The following SLC10A4 variants were observed in gnomAD, a reference collection of about 807,000 sequenced individuals.
SLC10A4 encodes the protein putative sodium/bile acid cotransporter 4.
In SLC10A4, 17 loss-of-function variants were observed where a neutral mutation model predicts 22.5. The ratio of observed to expected loss-of-function variants is 0.76; its 90% CI spans 0.52 to 1.14. The LOEUF is 1.14. Ranked by LOEUF, SLC10A4 falls within the 50% of genes most tolerant of loss-of-function variation. The pLI is 0.00. For synonymous variants in SLC10A4, 257 were observed against 258.2 expected (o/e 1.00, Z 0.04); for missense variants, 548 against 584.0 (o/e 0.94, Z 0.64).
In SLC10A4 at chr4:48,489,323, TA is replaced by T. The variant is rs373403963; in HGVS notation, c.*394del. The T allele has an allele frequency of 2.6e-3, 402 of 157,222 alleles. 1 individual carries two copies. Among genetic ancestry groups the T allele is most frequent in the Middle Eastern group, 6.4e-3 (2 of 314 alleles). The allele number at this position is 157,222 out of a possible 1,614,324, so 9.7% of individuals were successfully genotyped here. On this transcript the variant is annotated 3_prime_UTR_variant, in exon 3 of 3. Transcript: ENST00000273861. ...ATAATTGAGTTTAATGTAATTGTTG[TA>T]AAAAAAAAAGTGTGCTTGCTCTACT...
chr4:48,484,254 G>A (rs1408327297), intron 1 of SLC10A4, 103 bp downstream of exon 1: 2 of 1,199,788 alleles, frequency 1.7e-6, no homozygotes, highest in South Asian at 1.7e-5. Flanking sequence ...GTTGGAATTA[G>A]GCGTGGAGGA....
intron 2 of SLC10A4, among the ~76,000 whole-genome samples, chr4:48,485,361 A>T (rs899497947): frequency 4.1e-4 from 63 of 152,260 alleles, no homozygotes; most frequent in Admixed American, 2.0e-4. Context: ...GCTTAATCAA[A>T]ACCAGCATAA....
Position 48,483,762 on chromosome 4 carries a change from G to A in SLC10A4, c.201G>A (p.Glu67=). 3 of 1,485,084 alleles carry A rather than the reference G, an allele frequency of 2.0e-6. No homozygotes were observed. Among genetic ancestry groups the A allele is most frequent in the South Asian group, 1.3e-5 (1 of 77,256 alleles). The allele number at this position is 1,485,084 out of a possible 1,614,324, so 92.0% of individuals were successfully genotyped here. The stretch of plus-strand genomic sequence containing the variant: ...GCCCCGGCCCCACTCCGACCCCGGA[G>A]CCCACGACCAGCGGCCTCGCGGGCG... ...GFSPGPTPTP[E]PTTSGLAGGA... Residue 67 remains glutamate (E), a synonymous_variant, in exon 1 of 3, where the codon GAG becomes GAA. Transcript: ENST00000273861. This position sits in a 1 kb window ranked among gnomAD's most constrained non-coding sequence, Gnocchi z 5.4.
chr4:48,483,435 A>G lies in SLC10A4; in HGVS notation c.-127A>G. ...CCCGCCGCCCCCGACGCCGCCGAGC[A>G]CGTCAGCGGCGCGCAGCCGGGGCTC... is the stretch of plus-strand genomic sequence containing the variant. On this transcript the variant is annotated 5_prime_UTR_variant, in exon 1 of 3. Coordinates refer to ENST00000273861, the MANE Select transcript of SLC10A4 (RefSeq NM_152679.4). The surrounding 1 kb of genome is among the most constrained non-coding windows in gnomAD (Gnocchi z 5.4). 4 of 659,016 alleles carry G rather than the reference A, an allele frequency of 6.1e-6. No individual in the cohort carries two copies. The highest frequency in any genetic ancestry group is 3.9e-4 in the Middle Eastern group (1 of 2,566). The allele number at this position is 659,016 out of a possible 1,614,324, so 40.8% of individuals were successfully genotyped here. A position where few individuals can be genotyped will look rare whatever the true frequency, so the allele number is the denominator to read the frequency against.
chr4:48,488,873 C>T lies in SLC10A4; in HGVS notation c.1248C>T (p.Asp416=). The T allele has an allele frequency of 1.9e-6, 3 of 1,613,448 alleles. No homozygotes were observed. Among genetic ancestry groups the T allele is most frequent in the Non-Finnish European group, 2.5e-6 (3 of 1,179,936 alleles). The change falls in exon 3 of 3, where the codon GAC becomes GAT. Residue 416 remains aspartate, a synonymous_variant. Coordinates refer to ENST00000273861, the MANE Select transcript of SLC10A4 (RefSeq NM_152679.4). ...AACTAAAAGAAGAGGAAATGGCAGA[C>T]ACTTCCTATGGCACAGTGAAAGCAG... The part of the protein sequence containing the change: ...YKKLKEEEMA[D]TSYGTVKAEN...
Position 48,489,193 on chromosome 4 carries a change from C to A in SLC10A4, c.*254C>A. The A allele has an allele frequency of 2.8e-6, 1 of 358,484 alleles. No homozygotes were observed. The highest frequency in any genetic ancestry group is 4.8e-5 in the East Asian group (1 of 20,850). 22.2% of individuals were successfully genotyped at this position (358,484 alleles called of 1,614,324 possible). A position where few individuals can be genotyped will look rare whatever the true frequency, so the allele number is the denominator to read the frequency against. The stretch of plus-strand genomic sequence containing the variant: ...ATGTGGTTTTTAGTTTTTACCATCA[C>A]CAATTTCTATGACTGTTGCAAATAC... On this transcript the variant is annotated 3_prime_UTR_variant, in exon 3 of 3. Transcript: ENST00000273861.
rs1202410632 is a variant in SLC10A4 at position 48,484,799 on chromosome 4, T to C, written c.591-133T>C. ...GCTCTCTTGGCACTCTCCTCGGATG[T>C]AGGTTCTGCCCAGACTTCAACCCCG... On this transcript the variant is annotated intron_variant, in intron 1 of 2. Transcript: ENST00000273861. 5 of 763,354 alleles carry C rather than the reference T, an allele frequency of 6.6e-6. No homozygotes were observed. In the African/African-American group the frequency reaches 7.0e-5, roughly 11 times the overall value. The allele number at this position is 763,354 out of a possible 1,614,324, so 47.3% of individuals were successfully genotyped here.
Position 48,485,086 on chromosome 4 carries a change from G to T in SLC10A4, c.745G>T (p.Gly249Trp), listed in dbSNP as rs1479614161. The change falls in exon 2 of 3, where the codon GGG becomes TGG. Residue 249 changes from glycine to tryptophan, a missense_variant. By Grantham distance (184) the Gly-to-Trp change is radical. Coordinates refer to ENST00000273861, the MANE Select transcript of SLC10A4 (RefSeq NM_152679.4). ...TCTCTGCAGCACTCTCATACCTATC[G>T]GGTTGGGCGTCTTCATTCGCTACAA... ...LTLCSTLIPI[G>W]LGVFIRYKYS... The T allele has an allele frequency of 6.2e-7, 1 of 1,613,984 alleles. No homozygotes were observed. The highest frequency in any genetic ancestry group is 1.3e-5 in the African/African-American group (1 of 74,964).
chr4:48,484,027 C>A lies in SLC10A4; in HGVS notation c.466C>A (p.Leu156Met). The change falls in exon 1 of 3, where the codon CTG (leucine) becomes ATG (methionine). Residue 156 changes from leucine (L) to methionine (M), a missense_variant. By Grantham distance (15) the Leu-to-Met change is conservative (BLOSUM62 2). Around this residue, in one of 3 missense-constraint regions of SLC10A4, gnomAD observed 314 missense variants for 353.2 expected, o/e 0.89. Transcript: ENST00000273861. ...CGGCCTCCTGCCGCTGCTGGCCTTC[C>A]TGCTGGCCCTCGCCTTCAAGCTGGA... ...QFGLLPLLAF[L>M]LALAFKLDEV... 6.3e-7 allele frequency: 1 copy of A among 1,597,174 alleles called. No homozygotes were observed. Among genetic ancestry groups the A allele is most frequent in the Non-Finnish European group, 8.5e-7 (1 of 1,176,108 alleles).
At chr4:48,486,286 G>C (rs1718280676) in intron 2 of SLC10A4, among the ~76,000 whole-genome samples, 2 of 151,914 alleles carry the variant, frequency 1.3e-5, no homozygotes, top group Non-Finnish European at 2.9e-5. Flanking sequence ...ATGTATATGT[G>C]AATGTAAAAA....
Position 48,485,085 on chromosome 4 carries a change from C to A in SLC10A4, c.744C>A (p.Ile248=). Reference sequence around the variant, plus strand: ...CTCTCTGCAGCACTCTCATACCTATCGGGTTGGGCGTCTTCATTCGCTACA... The same window carrying A: ...CTCTCTGCAGCACTCTCATACCTATAGGGTTGGGCGTCTTCATTCGCTACA... ...TLTLCSTLIP[I]GLGVFIRYKY... Residue 248 remains isoleucine (I), a synonymous_variant, in exon 2 of 3, where the codon ATC becomes ATA. Transcript: ENST00000273861. 1 of 1,614,096 alleles carries A rather than the reference C, an allele frequency of 6.2e-7. No homozygotes were observed. Among genetic ancestry groups the A allele is most frequent in the Non-Finnish European group, 8.5e-7 (1 of 1,180,024 alleles).
At chr4:48,488,272 C>T (rs1272886767) in intron 2 of SLC10A4, among the ~76,000 whole-genome samples, 155 bp from the exon 3 acceptor site, 1 of 149,226 alleles carries the variant, frequency 6.7e-6, no homozygotes, top group African/African-American at 2.5e-5. Flanking sequence ...CTGGATGCTT[C>T]CTGAAGAGGT....
chr4:48,483,742 G>A lies in SLC10A4; in HGVS notation c.181G>A (p.Gly61Ser). Residue 61 changes from glycine to serine, a missense_variant, in exon 1 of 3, where the codon GGC becomes AGC. Around this residue, in one of 3 missense-constraint regions of SLC10A4, gnomAD observed 225 missense variants for 206.9 expected, o/e 1.09. Transcript: ENST00000273861. The surrounding 1 kb of genome is among the most constrained non-coding windows in gnomAD (Gnocchi z 5.4). ...GGGTCCGAGCTTCGGCTTCAGCCCC[G>A]GCCCCACTCCGACCCCGGAGCCCAC... The part of the protein sequence containing the change: ...GPGPSFGFSP[G>S]PTPTPEPTTS... 6 of 1,450,808 alleles carry A rather than the reference G, an allele frequency of 4.1e-6. No homozygotes were observed. The highest frequency in any genetic ancestry group is 5.4e-6 in the Non-Finnish European group (6 of 1,108,736). 89.9% of individuals were successfully genotyped at this position (1,450,808 alleles called of 1,614,324 possible).
Position 48,484,089 on chromosome 4 carries a change from C to A in SLC10A4, c.528C>A (p.Cys176Ter). The change falls in exon 1 of 3, where the codon TGC becomes TGA. Residue 176 changes from cysteine (C) to a stop codon, truncating the protein, a stop_gained. Transcript: ENST00000273861. LOFTEE classifies it high-confidence loss of function. Reference protein sequence around the residue: ...VAAVAVLLCGCCPGGNLSNLM... With the variant: ...VAAVAVLLCG The stretch of plus-strand genomic sequence containing the variant: ...CCGTGGCGGTGCTCCTGTGTGGCTG[C>A]TGTCCCGGCGGCAATCTCTCCAATC... 1 of 1,605,068 alleles carries A rather than the reference C, an allele frequency of 6.2e-7. No homozygotes were observed.
At position 48,483,488 on chromosome 4, in the gene SLC10A4, G is replaced by A; in HGVS notation, c.-74G>A. 3.2e-6 allele frequency: 4 copies of A among 1,261,214 alleles called. No individual in the cohort carries two copies. Among genetic ancestry groups the A allele is most frequent in the Non-Finnish European group, 2.1e-6 (2 of 949,694 alleles). The allele number at this position is 1,261,214 out of a possible 1,614,324, so 78.1% of individuals were successfully genotyped here. A position where few individuals can be genotyped will look rare whatever the true frequency, so the allele number is the denominator to read the frequency against. On this transcript the variant is annotated 5_prime_UTR_variant, in exon 1 of 3. Transcript: ENST00000273861. The surrounding 1 kb of genome is among the most constrained non-coding windows in gnomAD (Gnocchi z 5.4). ...AGACCGACGGGCAGAACGACGGGCG[G>A]CGACTGCGGCGACCGCGGGACGGCG... is the stretch of plus-strand genomic sequence containing the variant.
At chr4:48,486,674 A>G (rs1369804808) in intron 2 of SLC10A4, among the ~76,000 whole-genome samples, 2 of 152,094 alleles carry the variant, frequency 1.3e-5, no homozygotes, top group Admixed American at 6.5e-5. Flanking sequence ...TTCAATGTCA[A>G]TGCTTGCCCA....
At chr4:48,485,714 G>A (rs1475081909) in intron 2 of SLC10A4, among the ~76,000 whole-genome samples, 1 of 152,152 alleles carries the variant, frequency 6.6e-6, no homozygotes, top group African/African-American at 2.4e-5. Context: ...ATAAAATTGG[G>A]TCCTGGATAA....
At position 48,488,528 on chromosome 4, in the gene SLC10A4, T is replaced by C. The variant is rs760504095; in HGVS notation, c.903T>C (p.Tyr301=). Residue 301 remains tyrosine (Y), a synonymous_variant, in exon 3 of 3, where the codon TAT becomes TAC. Coordinates refer to ENST00000273861, the MANE Select transcript of SLC10A4 (RefSeq NM_152679.4). ...ELLASIPAAV[Y]VIAIFMPLAG... Reference sequence around the variant, plus strand: ...TGGCAAGTATCCCTGCAGCTGTTTATGTGATAGCAATTTTTATGCCTTTGG... The same window carrying C: ...TGGCAAGTATCCCTGCAGCTGTTTACGTGATAGCAATTTTTATGCCTTTGG... 1.2e-5 allele frequency: 19 copies of C among 1,613,874 alleles called. No homozygotes were observed.
At chr4:48,485,679 C>G (rs1718271457) in intron 2 of SLC10A4, among the ~76,000 whole-genome samples, 1 of 152,072 alleles carries the variant, frequency 6.6e-6, no homozygotes, top group African/African-American at 2.4e-5. Flanking sequence ...ATAGAACACA[C>G]AAAATATTGG....
Sources: allele counts gnomAD v4.1 joint callset (sites outside exome capture counted in the v4.1 genomes callset), GRCh38; gene constraint gnomAD v4.1.1; regional missense constraint gnomAD v4.1.1; non-coding constraint Gnocchi (gnomAD v3.1); transcripts MANE v1.5; gene names NCBI Gene and HGNC (gene_info 2026-07-23, HGNC 2026-07-21).